Variants in RHBDD1 observed in about 807,000 individuals in gnomAD.
The protein encoded by RHBDD1 is rhomboid domain containing 1, also known as rhomboid-related protein 4.
A neutral mutation model predicts 36.3 loss-of-function variants in RHBDD1; 38 were observed. That is an observed-to-expected ratio of 1.05 (90% CI 0.81 to 1.37). The LOEUF is 1.37. Among genes scored for constraint, RHBDD1 ranks in the 40% most tolerant of loss-of-function variants. The probability of loss-of-function intolerance (pLI) is 0.00; values close to 1 mark genes in which losing one functional copy is unlikely to be tolerated. For synonymous variants in RHBDD1, 151 were observed against 136.5 expected (o/e 1.11, Z -0.74); for missense variants, 393 against 377.6 (o/e 1.04, Z -0.34).
rs115629765 is a variant in RHBDD1 at position 226,900,534 on chromosome 2, C to T, written c.567-6259C>T. On this transcript the variant is annotated intron_variant, in intron 5 of 8. Coordinates refer to ENST00000392062, the MANE Select transcript of RHBDD1 (RefSeq NM_001167608.3). ...CAGAAGAAATAAAGCTTTTAAGTTA[C>T]CAATTTTAGGATATAATAATATATT... Among the ~76,000 whole-genome samples the T allele has an allele frequency of 2.6e-3, 402 of 152,070 alleles. 1 individual carries two copies. The highest frequency in any genetic ancestry group is 8.6e-3 in the African/African-American group (357 of 41,476).
chr2:226,931,334 C>T (rs531782329), intron 8 of RHBDD1, among the ~76,000 whole-genome samples: 17 of 152,106 alleles, frequency 1.1e-4, no homozygotes, highest in African/African-American at 2.6e-4. Context: ...ATGTCTTTTG[C>T]AGCAACTTAG....
chr2:226,988,685 C>T (rs972263657), intron 8 of RHBDD1: 13 of 979,978 alleles, frequency 1.3e-5, no homozygotes, highest in Non-Finnish European at 1.6e-5. Flanking sequence ...GGTTTTCATA[C>T]TTTTTCTATC....
At chr2:226,809,627 AAG>A in the RHBDD1 span, among the ~76,000 whole-genome samples, 1 of 151,336 alleles carries the variant, frequency 6.6e-6, no homozygotes, top group African/African-American at 2.5e-5. Flanking sequence ...GATTTTGAGA[AAG>A]AGAGGGAGAG....
the RHBDD1 span, among the ~76,000 whole-genome samples, chr2:226,810,560 A>G: frequency 6.7e-6 from 1 of 150,290 alleles, no homozygotes; most frequent in Non-Finnish European, 1.5e-5. Flanking sequence ...AAAAAAAAAA[A>G]AAAAAGTGAA....
intron 3 of RHBDD1, among the ~76,000 whole-genome samples, chr2:226,858,721 T>G (rs1014368383): frequency 2.0e-5 from 3 of 152,204 alleles, no homozygotes; most frequent in African/African-American, 7.2e-5. Context: ...TCAGTTTCTT[T>G]TGTTTGTTCT....
chr2:226,827,582 G>A, the RHBDD1 span, among the ~76,000 whole-genome samples: 1 of 152,172 alleles, frequency 6.6e-6, no homozygotes, highest in Non-Finnish European at 1.5e-5. Flanking sequence ...AACTCAGTAA[G>A]TCCAGTCCCA....
chr2:226,852,130 G>A (rs973998338), intron 3 of RHBDD1, among the ~76,000 whole-genome samples: 20 of 152,074 alleles, frequency 1.3e-4, no homozygotes, highest in African/African-American at 4.3e-4. Flanking sequence ...TGTTGAATCC[G>A]TAGGATAGAA....
chr2:226,948,440 A>C, intron 8 of RHBDD1, among the ~76,000 whole-genome samples: 1 of 141,792 alleles, frequency 7.1e-6, no homozygotes, highest in South Asian at 2.4e-4. Context: ...GGGGGGAGGG[A>C]TAGCATTGGG....
Position 226,964,192 on chromosome 2 carries a change from A to C in RHBDD1, c.857-31239A>C, listed in dbSNP as rs374118034. On this transcript the variant is annotated intron_variant, in intron 8 of 8. Transcript: ENST00000392062. ...AACCATCCTTCCCCGTTCCATTTAC[A>C]TTCATATTGTCCTCTTCAACTTTGA... Among the ~76,000 whole-genome samples, 13 of 152,252 alleles carry C rather than the reference A, an allele frequency of 8.5e-5. No homozygotes were observed. In the East Asian group the frequency reaches 1.7e-3, roughly 20 times the overall value.
rs537173437 is a variant in RHBDD1 at position 226,988,616 on chromosome 2, G to A, written c.857-6815G>A. 18 of 1,352,218 alleles carry A rather than the reference G, an allele frequency of 1.3e-5. No individual in the cohort carries two copies. The Admixed American group carries it at 2.8e-4, about 21-fold the overall frequency. The allele number at this position is 1,352,218 out of a possible 1,614,324, so 83.8% of individuals were successfully genotyped here. On this transcript the variant is annotated intron_variant, in intron 8 of 8. Transcript: ENST00000392062. ...GGCCGGGGGCTCCAGCTGCCCCTCCGAGCAGACACATTGGCCCTGGAGCTT... is the reference window on the plus strand; with the variant it reads ...GGCCGGGGGCTCCAGCTGCCCCTCCAAGCAGACACATTGGCCCTGGAGCTT...
chr2:226,867,858 A>C (rs983256432), intron 5 of RHBDD1, among the ~76,000 whole-genome samples: 2 of 152,008 alleles, frequency 1.3e-5, no homozygotes, highest in Admixed American at 1.3e-4. Flanking sequence ...AGCTGGGATT[A>C]CAGGCGTGTG....
At chr2:226,832,657 A>G (rs1368775955), upstream of RHBDD1, among the ~76,000 whole-genome samples, 2 of 152,210 alleles carry the variant, frequency 1.3e-5, no homozygotes, top group African/African-American at 4.8e-5. Context: ...GTGCATATAC[A>G]TTTATAACTG....
At chr2:226,821,843 A>T in the RHBDD1 span, among the ~76,000 whole-genome samples, 2 of 152,070 alleles carry the variant, frequency 1.3e-5, no homozygotes, top group Non-Finnish European at 2.9e-5. Context: ...TCATATTTTA[A>T]TCTTTTTGTC....
intron 5 of RHBDD1, among the ~76,000 whole-genome samples, chr2:226,902,247 T>C (rs1947657024): frequency 6.6e-6 from 1 of 152,244 alleles, no homozygotes; most frequent in East Asian, 1.9e-4. Flanking sequence ...CATCTAATTA[T>C]GATTGTAACA....
chr2:226,917,074 T>C (rs1948957829), intron 8 of RHBDD1, among the ~76,000 whole-genome samples: 1 of 152,124 alleles, frequency 6.6e-6, no homozygotes, highest in Admixed American at 6.6e-5. Context: ...ATTTTTGAGA[T>C]GTTTCCTTAA....
intron 3 of RHBDD1, among the ~76,000 whole-genome samples, chr2:226,859,962 G>A (rs1049808295): frequency 6.6e-6 from 1 of 152,146 alleles, no homozygotes; most frequent in African/African-American, 2.4e-5. Flanking sequence ...CTGTGATGGT[G>A]ACCCAGACTA....
chr2:226,904,095 A>C (rs1947826181), intron 5 of RHBDD1, among the ~76,000 whole-genome samples: 1 of 152,172 alleles, frequency 6.6e-6, no homozygotes, highest in African/African-American at 2.4e-5. Context: ...TTTTTCCTGG[A>C]TGCCAGAGAA....
At chr2:226,812,048 T>C in the RHBDD1 span, among the ~76,000 whole-genome samples, 1 of 152,178 alleles carries the variant, frequency 6.6e-6, no homozygotes, top group Admixed American at 6.5e-5. Flanking sequence ...TCAAGAATTA[T>C]CCCCCCATAC....
At chr2:226,905,777 A>G (rs1948004523) in intron 5 of RHBDD1, among the ~76,000 whole-genome samples, 1 of 152,138 alleles carries the variant, frequency 6.6e-6, no homozygotes, top group Admixed American at 6.5e-5. Context: ...GGCAGTAAGC[A>G]TGGTTGTGGC....
Sources: allele counts gnomAD v4.1 joint callset (sites outside exome capture counted in the v4.1 genomes callset), GRCh38; gene constraint gnomAD v4.1.1; transcripts MANE v1.5; gene names NCBI Gene and HGNC (gene_info 2026-07-23, HGNC 2026-07-21).